Variants in SPTLC1 observed in about 807,000 individuals in gnomAD.
SPTLC1 encodes serine palmitoyltransferase long chain base subunit 1, also known as serine palmitoyltransferase 1.
SPTLC1 carries 55 observed loss-of-function variants against 68.9 expected under a neutral mutation model. The ratio of observed to expected loss-of-function variants is 0.80; its 90% confidence interval spans 0.64 to 1.00. The LOEUF is 1.00. Among genes scored for constraint, SPTLC1 ranks in the 50% least tolerant of loss-of-function variants. SPTLC1 has a pLI of 0.00. For synonymous variants in SPTLC1, 197 were observed against 201.6 expected (o/e 0.98, Z 0.19); for missense variants, 449 against 573.1 (o/e 0.78, Z 2.21).
chr9:92,058,911 A>G lies in SPTLC1; in HGVS notation c.690+268T>C, dbSNP rs149051278. On this transcript the variant is annotated intron_variant, in intron 7 of 14. Coordinates refer to ENST00000262554, the MANE Select transcript of SPTLC1 (RefSeq NM_006415.4). ...GAGTAGACATCTCCCTGCCTCACTA[A>G]GCACATGCTGTTTTTCAGCCTCTCT... Among the ~76,000 whole-genome samples, 27 of 152,302 alleles carry G rather than the reference A, an allele frequency of 1.8e-4. No homozygotes were observed. The East Asian group carries it at 3.5e-3, about 20-fold the overall frequency.
chr9:92,083,099 CTTGT>C (rs891670739), intron 3 of SPTLC1, among the ~76,000 whole-genome samples: 1 of 150,582 alleles, frequency 6.6e-6, no homozygotes, highest in Admixed American at 6.6e-5. Flanking sequence ...TTGTTTTTTT[CTTGT>C]AAATTTGTTT....
intron 11 of SPTLC1, among the ~76,000 whole-genome samples, chr9:92,046,622 C>T (rs1224979588): frequency 3.3e-5 from 5 of 152,254 alleles, no homozygotes; most frequent in Non-Finnish European, 7.4e-5. Flanking sequence ...GCTCCCTTTC[C>T]GTTTTAAGCT....
At chr9:92,105,918 G>A (rs28504279) in intron 3 of SPTLC1, among the ~76,000 whole-genome samples, 14,876 of 147,534 alleles carry the variant, frequency 0.1, 1,787 homozygotes, top group African/African-American at 0.29. Context: ...GCCTCTGCCC[G>A]GCCTCCTCAC....
intron 8 of SPTLC1, chr9:92,051,332 T>C (rs1833698178): frequency 1.2e-6 from 1 of 862,802 alleles, no homozygotes; most frequent in Non-Finnish European, 1.4e-6. Context: ...AAATCAAATA[T>C]GTATTACATA....
chr9:92,063,297 A>G (rs1834167365), intron 6 of SPTLC1, among the ~76,000 whole-genome samples: 1 of 152,182 alleles, frequency 6.6e-6, no homozygotes, highest in Admixed American at 6.6e-5. Context: ...TGAAAAACAC[A>G]AACTACCTCA....
At chr9:92,071,314 C>T (rs948223188) in intron 5 of SPTLC1, among the ~76,000 whole-genome samples, 5 of 151,932 alleles carry the variant, frequency 3.3e-5, no homozygotes, top group East Asian at 3.9e-4. Context: ...GCAGGAGAAT[C>T]GCCTGAACCC....
At chr9:92,105,307 C>T in intron 3 of SPTLC1, 1 of 1,533,626 alleles carries the variant, frequency 6.5e-7, no homozygotes, top group Non-Finnish European at 8.7e-7. Context: ...GTCAGGCTTC[C>T]CAAAGAGAAG....
intron 3 of SPTLC1, among the ~76,000 whole-genome samples, chr9:92,100,353 T>C (rs1221494894): frequency 6.6e-6 from 1 of 152,184 alleles, no homozygotes; most frequent in Non-Finnish European, 1.5e-5. Context: ...TAGCTGAGTA[T>C]ATTCTGTTCC....
intron 5 of SPTLC1, chr9:92,077,039 GA>G: frequency 6.6e-6 from 1 of 152,222 alleles, no homozygotes. Context: ...CAGTTCTCTG[GA>G]AAAGTAGAAA....
chr9:92,053,992 TAA>T (rs1206439161), intron 8 of SPTLC1: 1 of 985,378 alleles, frequency 1.0e-6, no homozygotes, highest in East Asian at 1.1e-4. Context: ...ATTAAAAAGC[TAA>T]GTTTTGGCCA....
chr9:92,080,985 A>G (rs753111617), intron 3 of SPTLC1, 22 bp from the exon 4 acceptor site: 12 of 1,560,938 alleles, frequency 7.7e-6, no homozygotes, highest in Non-Finnish European at 1.1e-5. Flanking sequence ...ATAGAGTGGT[A>G]CATGTCAATT....
At chr9:92,070,574 C>G (rs1166295375) in intron 5 of SPTLC1, among the ~76,000 whole-genome samples, 1 of 152,146 alleles carries the variant, frequency 6.6e-6, no homozygotes, top group Non-Finnish European at 1.5e-5. Context: ...GCTCCCTCAC[C>G]AGAACCTCAG....
At chr9:92,045,952 TGTG>T in intron 12 of SPTLC1, 44 bp downstream of exon 12, 1 of 1,529,394 alleles carries the variant, frequency 6.5e-7, no homozygotes, top group Non-Finnish European at 9.0e-7. Context: ...AGTTGTTAAG[TGTG>T]GTGCAGATAA....
At chr9:92,038,576 G>A in intron 12 of SPTLC1, 1 of 580,814 alleles carries the variant, frequency 1.7e-6, no homozygotes, top group Non-Finnish European at 3.1e-6. Flanking sequence ...TGCCTGCAAT[G>A]TGGCTTCCTG....
At chr9:92,048,610 C>T (rs1833599422) in intron 9 of SPTLC1, among the ~76,000 whole-genome samples, 1 of 152,204 alleles carries the variant, frequency 6.6e-6, no homozygotes, top group Admixed American at 6.5e-5. Flanking sequence ...CCACCCTCAT[C>T]ATTTCTTTGT....
chr9:92,041,649 G>T (rs1221502600), intron 12 of SPTLC1, among the ~76,000 whole-genome samples: 1 of 152,096 alleles, frequency 6.6e-6, no homozygotes, highest in Admixed American at 6.6e-5. Context: ...CCCTAACACT[G>T]ACTCCTATGT....
chr9:92,108,841 G>A lies in SPTLC1; in HGVS notation c.166-7C>T, dbSNP rs745971218. 14 of 1,573,652 alleles carry A rather than the reference G, an allele frequency of 8.9e-6. No homozygotes were observed. The Admixed American group carries it at 2.3e-4, about 26-fold the overall frequency. On this transcript the variant is annotated splice_region_variant and splice_polypyrimidine_tract_variant and intron_variant, in intron 2 of 14. Transcript: ENST00000262554. ...CAATCAGTTCTTCTTTTTCCTACAGGAGAAAAAGAATTAAAATACAGTGCA... is the reference window on the plus strand; with the variant it reads ...CAATCAGTTCTTCTTTTTCCTACAGAAGAAAAAGAATTAAAATACAGTGCA...
At chr9:92,062,957 T>C (rs1029529136) in intron 6 of SPTLC1, among the ~76,000 whole-genome samples, 1 of 152,000 alleles carries the variant, frequency 6.6e-6, no homozygotes, top group African/African-American at 2.4e-5. Context: ...ATTTAAGCTC[T>C]TACCTCCAAA....
intron 6 of SPTLC1, among the ~76,000 whole-genome samples, chr9:92,061,594 T>C (rs944578672): frequency 9.9e-5 from 15 of 152,132 alleles, no homozygotes; most frequent in Non-Finnish European, 2.9e-5. Flanking sequence ...TATGGGCAAA[T>C]ACACTAGGCT....
Sources: allele counts gnomAD v4.1 joint callset (sites outside exome capture counted in the v4.1 genomes callset), GRCh38; gene constraint gnomAD v4.1.1; transcripts MANE v1.5; gene names NCBI Gene and HGNC (gene_info 2026-07-23, HGNC 2026-07-21).